SCN8A: variants seen among roughly 807,000 people sequenced by gnomAD.
SCN8A encodes the protein sodium channel protein type 8 subunit alpha.
Under a neutral mutation model 184.1 loss-of-function variants are expected in SCN8A, and 30 were observed. The observed-to-expected ratio is 0.16, with a 90% confidence interval of 0.12 to 0.22. The LOEUF (loss-of-function observed/expected upper bound fraction) is 0.22. SCN8A is among the 10% of genes least tolerant of loss of function. SCN8A has a pLI of 1.00. For synonymous variants in SCN8A, 852 were observed against 907.0 expected (o/e 0.94, Z 1.09); for missense variants, 1,057 against 2,498.9 (o/e 0.42, Z 12.30).
intron 1 of SCN8A, among the ~76,000 whole-genome samples, chr12:51,592,721 G>A (rs1939255385): frequency 6.6e-6 from 1 of 152,010 alleles, no homozygotes; most frequent in Non-Finnish European, 1.5e-5. Context: ...GTGTGGGTGG[G>A]GGCCATGGGG....
At chr12:51,604,893 A>G (rs1939552926) in intron 1 of SCN8A, among the ~76,000 whole-genome samples, 1 of 151,710 alleles carries the variant, frequency 6.6e-6, no homozygotes, top group Non-Finnish European at 1.5e-5. Flanking sequence ...GGTTTGTTGT[A>G]TAGATAGATT....
At chr12:51,632,982 A>G (rs1189853983) in intron 1 of SCN8A, among the ~76,000 whole-genome samples, 1 of 152,110 alleles carries the variant, frequency 6.6e-6, no homozygotes, top group African/African-American at 2.4e-5. Flanking sequence ...TTTCTGATCT[A>G]TACAATAAGA....
intron 1 of SCN8A, among the ~76,000 whole-genome samples, chr12:51,597,135 A>G (rs1264866078): frequency 6.6e-6 from 1 of 152,158 alleles, no homozygotes; most frequent in East Asian, 1.9e-4. Flanking sequence ...TAAAAGCCAG[A>G]AGCCTGAGGG....
chr12:51,788,287 CTT>C (rs66672221), intron 22 of SCN8A, among the ~76,000 whole-genome samples: 131 of 83,996 alleles, frequency 1.6e-3, no homozygotes, highest in East Asian at 3.7e-3. Flanking sequence ...CGCTTAACAC[CTT>C]TTTTTTTTTT....
chr12:51,788,265 T>C (rs945565444), intron 22 of SCN8A, among the ~76,000 whole-genome samples: 1 of 149,818 alleles, frequency 6.7e-6, no homozygotes, highest in South Asian at 2.1e-4. Flanking sequence ...TATGAGTTTT[T>C]CCAACCCCCA....
At chr12:51,684,050 C>T (rs971401830) in intron 2 of SCN8A, 124 bp from the exon 3 acceptor site, 1 of 693,622 alleles carries the variant, frequency 1.4e-6, no homozygotes, top group Non-Finnish European at 2.6e-6. Context: ...GTTTAAAAAC[C>T]AAGTTGGGAA....
chr12:51,714,195 G>A (rs1443440133), intron 11 of SCN8A, among the ~76,000 whole-genome samples: 1 of 152,134 alleles, frequency 6.6e-6, no homozygotes, highest in African/African-American at 2.4e-5. Flanking sequence ...GTTCCTCCTT[G>A]ATGCTGTTCC....
intron 13 of SCN8A, among the ~76,000 whole-genome samples, chr12:51,747,454 T>C (rs1222915943): frequency 1.3e-5 from 2 of 152,144 alleles, no homozygotes; most frequent in Admixed American, 1.3e-4. Flanking sequence ...AATTTTATTA[T>C]TCACATAGAG....
chr12:51,709,543 A>C (rs1026520400), intron 11 of SCN8A, among the ~76,000 whole-genome samples: 1 of 152,230 alleles, frequency 6.6e-6, no homozygotes, highest in Non-Finnish European at 1.5e-5. Flanking sequence ...TAGTGAGCTC[A>C]GAATTGAAAG....
chr12:51,713,152 A>G (rs1941909308), intron 11 of SCN8A: 2 of 1,211,376 alleles, frequency 1.7e-6, no homozygotes, highest in African/African-American at 1.5e-5. Flanking sequence ...TATGGTTTCA[A>G]TCTTGCCATA....
At chr12:51,647,614 T>C (rs1333627811) in intron 1 of SCN8A, among the ~76,000 whole-genome samples, 1 of 152,254 alleles carries the variant, frequency 6.6e-6, no homozygotes, top group South Asian at 2.1e-4. Context: ...CAAGAGAGGC[T>C]GAAGACTGCA....
chr12:51,645,325 G>A (rs1245224356), intron 1 of SCN8A, among the ~76,000 whole-genome samples: 6 of 151,302 alleles, frequency 4.0e-5, no homozygotes, highest in Non-Finnish European at 8.9e-5. Flanking sequence ...CGTCCAGGAG[G>A]GAGGTGGGGG....
chr12:51,663,086 C>T lies in SCN8A; in HGVS notation c.269C>T (p.Thr90Met), dbSNP rs763078635. Residue 90 changes from threonine to methionine, a missense_variant, in exon 2 of 27, where the codon ACG (threonine) becomes ATG (methionine). Physicochemically the swap from Thr to Met is moderately conservative, Grantham distance 81 (BLOSUM62 -1). Transcript: ENST00000627620. ...PLEDFDPYYL[T>M]QKTFVVLNRG... ...GAGGACTTTGACCCATACTATTTGA[C>T]GCAGAAAGTGAGTTGGAGGAGGAGG... 1.1e-5 allele frequency: 18 copies of T among 1,613,226 alleles called. No individual in the cohort carries two copies. Among genetic ancestry groups the T allele is most frequent in the Non-Finnish European group, 1.4e-5 (17 of 1,179,328 alleles).
chr12:51,712,969 C>T (rs183623353), intron 11 of SCN8A: 60 of 1,588,328 alleles, frequency 3.8e-5, no homozygotes, highest in East Asian at 4.5e-5. Context: ...ACGACCTGTC[C>T]GTGATCCAGC....
intron 12 of SCN8A, among the ~76,000 whole-genome samples, chr12:51,736,377 C>T (rs531304326): frequency 2.0e-5 from 3 of 152,276 alleles, no homozygotes; most frequent in South Asian, 4.1e-4. Context: ...GTCTCCCAAA[C>T]GAGGGAACAT....
rs146048458 is a variant in SCN8A at position 51,608,880 on chromosome 12, C to A, written c.-55+17521C>A. 1.4e-3 allele frequency among the ~76,000 whole-genome samples: 206 copies of A among 152,280 alleles called. 1 individual carries two copies. Among genetic ancestry groups the A allele is most frequent in the Non-Finnish European group, 1.5e-3 (99 of 68,032 alleles). The stretch of plus-strand genomic sequence containing the variant: ...TGATGTAGGCGTTTAGGGCCGTGAA[C>A]TTTCCTCTTAGCACCACCTTTGCTG... On this transcript the variant is annotated intron_variant, in intron 1 of 26. Coordinates refer to ENST00000627620, the MANE Select transcript of SCN8A (RefSeq NM_001330260.2).
intron 14 of SCN8A, among the ~76,000 whole-genome samples, chr12:51,758,634 C>T (rs192968771): frequency 0.018 from 2,766 of 152,226 alleles, 43 homozygotes; most frequent in Non-Finnish European, 0.026. Flanking sequence ...GATGGAGTTT[C>T]ACCATGTTGG....
intron 2 of SCN8A, among the ~76,000 whole-genome samples, chr12:51,667,743 T>G (rs1335983746): frequency 5.9e-5 from 9 of 152,220 alleles, no homozygotes; most frequent in Non-Finnish European, 1.2e-4. Flanking sequence ...TTGACTCCTA[T>G]CCCTTTTTAA....
chr12:51,602,394 A>G (rs748384286), intron 1 of SCN8A, among the ~76,000 whole-genome samples: 2 of 152,234 alleles, frequency 1.3e-5, no homozygotes, highest in African/African-American at 2.4e-5. Context: ...TGAGTTACCT[A>G]GAATAGTCAA....
Sources: allele counts gnomAD v4.1 joint callset (sites outside exome capture counted in the v4.1 genomes callset), GRCh38; gene constraint gnomAD v4.1.1; transcripts MANE v1.5; gene names NCBI Gene and HGNC (gene_info 2026-07-23, HGNC 2026-07-21).